Variants in KCNJ15 observed in about 807,000 individuals in gnomAD.
KCNJ15 encodes ATP-sensitive inward rectifier potassium channel 15.
In KCNJ15, 14 loss-of-function variants were observed where a neutral mutation model predicts 23.0. That is an observed-to-expected ratio of 0.61 (90% CI 0.40 to 0.95). KCNJ15 has a LOEUF of 0.95. Ranked by LOEUF, KCNJ15 falls within the 40% of genes least tolerant of loss-of-function variation. The probability of loss-of-function intolerance (pLI) is 0.00; values close to 1 mark genes in which losing one functional copy is unlikely to be tolerated. For synonymous variants in KCNJ15, 185 were observed against 183.2 expected, an observed-to-expected ratio of 1.01 and a Z score of -0.08; for missense variants, 388 against 461.8, an observed-to-expected ratio of 0.84 and a Z score of 1.46.
At chr21:38,265,054 T>A (rs1743923328) in intron 1 of KCNJ15, among the ~76,000 whole-genome samples, 1 of 152,206 alleles carries the variant, frequency 6.6e-6, no homozygotes, top group African/African-American at 2.4e-5. Flanking sequence ...AGGGGTGATT[T>A]GATCCATGGA....
chr21:38,304,724 GCTA>G lies in KCNJ15; in HGVS notation c.*4336_*4338del, dbSNP rs1423030118. 1 of 105,804 alleles carries G rather than the reference GCTA, an allele frequency of 9.5e-6. No individual in the cohort carries two copies. The highest frequency in any genetic ancestry group is 3.5e-5 in the African/African-American group (1 of 28,714). 6.6% of individuals were successfully genotyped at this position (105,804 alleles called of 1,614,324 possible). On this transcript the variant is annotated 3_prime_UTR_variant, in exon 3 of 3. Transcript: ENST00000398938. The stretch of plus-strand genomic sequence containing the variant: ...TGGGTCTCGCTCTGTCGCCCAGGCT[GCTA>G]GAGTGCAGTGGCGCGATTTCGGCTC...
rs1466098746 is a variant in KCNJ15, at chr21:38,257,030, T to TCA, written c.-272_-271insCA. On this transcript the variant is annotated 5_prime_UTR_variant, in exon 1 of 3. Coordinates refer to ENST00000398938, the MANE Select transcript of KCNJ15 (RefSeq NM_170736.3). ...ATTCTTACTCAAACTTGTACCAACT[T>TCA]GTTTTTGACTGACAGTGAACAGTGA... 2 of 151,434 alleles carry TCA rather than the reference T, an allele frequency of 1.3e-5. No individual in the cohort carries two copies. The highest frequency in any genetic ancestry group is 2.9e-5 in the Non-Finnish European group (2 of 67,908). 9.4% of individuals were successfully genotyped at this position (151,434 alleles called of 1,614,324 possible). A position where few individuals can be genotyped will look rare whatever the true frequency, so the allele number is the denominator to read the frequency against.
chr21:38,278,198 A>T (rs1982941397), intron 1 of KCNJ15, among the ~76,000 whole-genome samples: 1 of 152,156 alleles, frequency 6.6e-6, no homozygotes, highest in African/African-American at 2.4e-5. Flanking sequence ...CCATTTATGC[A>T]TTCAGCAGAC....
At chr21:38,236,411 G>A (rs1464916714) in intron 1 of KCNJ15, among the ~76,000 whole-genome samples, 2 of 152,188 alleles carry the variant, frequency 1.3e-5, no homozygotes, top group Non-Finnish European at 2.9e-5. Flanking sequence ...CCACCAGGGG[G>A]TAGGGGAGGA....
chr21:38,260,108 G>A (rs1009348011), intron 1 of KCNJ15, among the ~76,000 whole-genome samples: 4 of 152,088 alleles, frequency 2.6e-5, no homozygotes, highest in African/African-American at 4.8e-5. Flanking sequence ...TTCTGACTTA[G>A]TTTCTCTCCC....
intron 1 of KCNJ15, among the ~76,000 whole-genome samples, chr21:38,292,294 G>A (rs1214201681): frequency 6.6e-6 from 1 of 152,154 alleles, no homozygotes; most frequent in Non-Finnish European, 1.5e-5. Flanking sequence ...TAACTGCTTT[G>A]AAAAGTGCCT....
chr21:38,278,848 G>A (rs1983018407), intron 1 of KCNJ15, among the ~76,000 whole-genome samples: 1 of 152,168 alleles, frequency 6.6e-6, no homozygotes, highest in Non-Finnish European at 1.5e-5. Flanking sequence ...AGTTTCTGAA[G>A]GGTCAGTTTC....
intron 1 of KCNJ15, among the ~76,000 whole-genome samples, chr21:38,271,534 C>A (rs889968696): frequency 6.6e-6 from 1 of 152,212 alleles, no homozygotes; most frequent in Non-Finnish European, 1.5e-5. Context: ...AAGAGGCATG[C>A]GATTCCTGCT....
rs1490740682 is a variant in KCNJ15 at position 38,302,323 on chromosome 21, G to A, written c.*1934G>A. The A allele has an allele frequency of 1.3e-5, 2 of 152,242 alleles. No individual in the cohort carries two copies. The highest frequency in any genetic ancestry group is 4.8e-5 in the African/African-American group (2 of 41,472). 9.4% of individuals were successfully genotyped at this position (152,242 alleles called of 1,614,324 possible). A position where few individuals can be genotyped will look rare whatever the true frequency, so the allele number is the denominator to read the frequency against. On this transcript the variant is annotated 3_prime_UTR_variant, in exon 3 of 3. Transcript: ENST00000398938. ...TATTGATGTTACTGCATTTGCAAAT[G>A]TCCTCCCATTAAACAGAAAATGTGG...
In KCNJ15 at chr21:38,305,507, C is replaced by T. The variant is rs181612256; in HGVS notation, c.*5118C>T. ...ACTGATACACGAGTATAAAAGCCAA[C>T]GATGTCATATATGTAGGCAAAGTCT... On this transcript the variant is annotated 3_prime_UTR_variant, in exon 3 of 3. Coordinates refer to ENST00000398938, the MANE Select transcript of KCNJ15 (RefSeq NM_170736.3). 1.7e-4 allele frequency: 26 copies of T among 152,282 alleles called. No individual in the cohort carries two copies. The highest frequency in any genetic ancestry group is 5.5e-4 in the African/African-American group (23 of 41,562). The allele number at this position is 152,282 out of a possible 1,614,324, so 9.4% of individuals were successfully genotyped here. A position where few individuals can be genotyped will look rare whatever the true frequency, so the allele number is the denominator to read the frequency against.
chr21:38,238,327 C>T (rs530110384), intron 1 of KCNJ15: 40 of 716,590 alleles, frequency 5.6e-5, no homozygotes, highest in East Asian at 3.4e-4. Flanking sequence ...TTCCTGCCTT[C>T]GGAGGGTACT....
At chr21:38,274,432 C>T (rs894431730) in intron 1 of KCNJ15, among the ~76,000 whole-genome samples, 34 of 152,094 alleles carry the variant, frequency 2.2e-4, no homozygotes, top group African/African-American at 1.2e-4. Flanking sequence ...GGAAAATGCA[C>T]GTGGAGCTCT....
chr21:38,276,635 C>T (rs1281261912), intron 1 of KCNJ15, among the ~76,000 whole-genome samples: 1 of 152,052 alleles, frequency 6.6e-6, no homozygotes, highest in Non-Finnish European at 1.5e-5. Flanking sequence ...TTGAAATAAC[C>T]TTTACAACTA....
chr21:38,286,220 G>A (rs549747095), intron 1 of KCNJ15, among the ~76,000 whole-genome samples: 1 of 152,268 alleles, frequency 6.6e-6, no homozygotes, highest in African/African-American at 2.4e-5. Context: ...TCCAGCCCAG[G>A]TGACAGAGCG....
intron 1 of KCNJ15, among the ~76,000 whole-genome samples, chr21:38,291,439 G>A (rs1484565000): frequency 3.3e-5 from 5 of 152,162 alleles, no homozygotes; most frequent in East Asian, 1.9e-4. Context: ...CATTACACCC[G>A]AATTTCTATC....
At chr21:38,244,468 T>C (rs1361389713) in intron 1 of KCNJ15, among the ~76,000 whole-genome samples, 3 of 152,218 alleles carry the variant, frequency 2.0e-5, no homozygotes, top group African/African-American at 4.8e-5. Context: ...TTGTCTTTCC[T>C]CACCTGGCTG....
At chr21:38,284,375 C>T (rs8132550) in intron 1 of KCNJ15, among the ~76,000 whole-genome samples, 2 of 152,080 alleles carry the variant, frequency 1.3e-5, no homozygotes, top group African/African-American at 4.8e-5. Flanking sequence ...TCGGTGAGAC[C>T]TCCTCTTCTC....
intron 1 of KCNJ15, among the ~76,000 whole-genome samples, chr21:38,287,359 T>C (rs759411420): frequency 5.9e-5 from 9 of 152,192 alleles, no homozygotes; most frequent in Non-Finnish European, 1.3e-4. Flanking sequence ...CGTTAAACCC[T>C]GTCTTTAAGT....
chr21:38,230,133 T>C (rs1176917675), intron 1 of KCNJ15, among the ~76,000 whole-genome samples: 1 of 152,210 alleles, frequency 6.6e-6, no homozygotes, highest in African/African-American at 2.4e-5. Context: ...TTTTTTTTAA[T>C]GTTACCACCC....
Sources: allele counts gnomAD v4.1 joint callset (sites outside exome capture counted in the v4.1 genomes callset), GRCh38; gene constraint gnomAD v4.1.1; transcripts MANE v1.5; gene names NCBI Gene and HGNC (gene_info 2026-07-23, HGNC 2026-07-21).